Variants in GPRC6A observed in about 807,000 individuals in gnomAD.
The protein encoded by GPRC6A is G protein-coupled receptor class C group 6 member A, also known as G protein-coupled receptor family C group 6 member A.
GPRC6A carries 54 observed loss-of-function variants against 47.0 expected under a neutral mutation model. The ratio of observed to expected loss-of-function variants is 1.15; its 90% CI spans 0.92 to 1.44. The LOEUF is 1.44. Ranked by LOEUF, GPRC6A falls within the 40% of genes most tolerant of loss-of-function variation. The pLI is 0.00. For synonymous variants in GPRC6A, 347 were observed against 377.1 expected (o/e 0.92, Z 0.93); for missense variants, 1,112 against 1,105.5 (o/e 1.01, Z -0.08).
chr6:116,818,663 A>AT (rs1290668138), intron 1 of GPRC6A, among the ~76,000 whole-genome samples: 4 of 149,408 alleles, frequency 2.7e-5, no homozygotes, highest in African/African-American at 7.3e-5. Flanking sequence ...ATGCTGAGAG[A>AT]TTTTGTCACC....
chr6:116,794,967 G>A (rs951523460), intron 5 of GPRC6A, among the ~76,000 whole-genome samples: 1 of 152,132 alleles, frequency 6.6e-6, no homozygotes, highest in Non-Finnish European at 1.5e-5. Context: ...TTCCAGTTCC[G>A]GAGTTCTCAG....
chr6:116,807,780 G>GAA (rs1772902517), intron 2 of GPRC6A, among the ~76,000 whole-genome samples: 1 of 152,022 alleles, frequency 6.6e-6, no homozygotes, highest in South Asian at 2.1e-4. Context: ...TTTTTAGCCT[G>GAA]AAAGCTCAAG....
chr6:116,816,951 G>T (rs1444611624), intron 1 of GPRC6A, among the ~76,000 whole-genome samples: 1 of 152,252 alleles, frequency 6.6e-6, no homozygotes, highest in African/African-American at 2.4e-5. Context: ...GTGGCAGCGA[G>T]GCTGGGGGAG....
intron 1 of GPRC6A, among the ~76,000 whole-genome samples, chr6:116,820,004 C>A (rs925480823): frequency 6.0e-5 from 9 of 150,382 alleles, no homozygotes; most frequent in Non-Finnish European, 1.3e-4. Flanking sequence ...CAAATAGATG[C>A]AATAAAAAAT....
In GPRC6A at chr6:116,806,462, T is replaced by A; in HGVS notation, c.1243A>T (p.Ile415Phe). ...CCAAGGGCAAACACTGCAAGCTGAATACTATGAATGAGTCCTGGCTCAGCA... is the reference window on the plus strand; with the variant it reads ...CCAAGGGCAAACACTGCAAGCTGAAAACTATGAATGAGTCCTGGCTCAGCA... ...DYAEPGLIHS[I>F]QLAVFALGYA... The change falls in exon 3 of 6, where the codon ATT becomes TTT. Residue 415 changes from isoleucine to phenylalanine, a missense_variant. Physicochemically the swap from Ile to Phe is conservative, Grantham distance 21. Transcript: ENST00000310357. The A allele has an allele frequency of 1.9e-6, 3 of 1,613,528 alleles. No individual in the cohort carries two copies. The highest frequency in any genetic ancestry group is 2.5e-6 in the Non-Finnish European group (3 of 1,179,694).
chr6:116,823,239 C>A lies in GPRC6A; in HGVS notation c.194+5581G>T, dbSNP rs182988895. 2.0e-3 allele frequency among the ~76,000 whole-genome samples: 312 copies of A among 152,240 alleles called. 1 individual carries two copies. The highest frequency in any genetic ancestry group is 7.1e-3 in the African/African-American group (297 of 41,560). On this transcript the variant is annotated intron_variant, in intron 1 of 5. Transcript: ENST00000310357. ...CACATATGAGCTAGGCTATTAAAAG[C>A]AGCCAGGCAAATTCTTGACTGCTTT...
chr6:116,824,411 C>T (rs917532721), intron 1 of GPRC6A, among the ~76,000 whole-genome samples: 4 of 151,716 alleles, frequency 2.6e-5, no homozygotes, highest in African/African-American at 9.7e-5. Context: ...AAAAAGGAGA[C>T]ATTACAACTG....
chr6:116,809,447 C>A lies in GPRC6A; in HGVS notation c.365G>T (p.Cys122Phe). 1.2e-6 allele frequency: 2 copies of A among 1,613,728 alleles called. No homozygotes were observed. Among genetic ancestry groups the A allele is most frequent in the South Asian group, 1.1e-5 (1 of 91,066 alleles). ...CTTAAACTCCACAGTTTCTCTGGAG[C>A]AGTTGAATTTAGAAAGAAACCTCAG... ...ATLRFLSKFNCSRETVEFKCD... is the reference protein window; with the variant it reads ...ATLRFLSKFNFSRETVEFKCD... The change falls in exon 2 of 6, where the codon TGC (cysteine) becomes TTC (phenylalanine). Residue 122 changes from cysteine (C) to phenylalanine (F), a missense_variant. Transcript: ENST00000310357.
chr6:116,813,543 C>CA (rs1773099275), intron 1 of GPRC6A, among the ~76,000 whole-genome samples: 1 of 152,130 alleles, frequency 6.6e-6, no homozygotes, highest in African/African-American at 2.4e-5. Context: ...GCTGGGAAAG[C>CA]TGGCTAGCCA....
Position 116,828,871 on chromosome 6 carries a change from A to AT in GPRC6A, c.142dup (p.Met48AsnfsTer20), listed in dbSNP as rs1773754801. On this transcript the variant is annotated frameshift_variant, in exon 1 of 6. Transcript: ENST00000310357. LOFTEE classifies it high-confidence loss of function. ...TCTGGGAGAGTCTTCTGAGGACAAC[A>AT]TTTTTTCATGAATAGCAAACAAACC... is the stretch of plus-strand genomic sequence containing the variant. The AT allele has an allele frequency of 6.2e-7, 1 of 1,613,124 alleles. No individual in the cohort carries two copies. The highest frequency in any genetic ancestry group is 1.3e-5 in the African/African-American group (1 of 74,842).
chr6:116,807,224 A>G lies in GPRC6A; in HGVS notation c.499-18T>C, dbSNP rs1298205241. 1 of 1,496,838 alleles carries G rather than the reference A, an allele frequency of 6.7e-7. No individual in the cohort carries two copies. The highest frequency in any genetic ancestry group is 9.2e-7 in the Non-Finnish European group (1 of 1,081,316). The allele number at this position is 1,496,838 out of a possible 1,614,324, so 92.7% of individuals were successfully genotyped here. A position where few individuals can be genotyped will look rare whatever the true frequency, so the allele number is the denominator to read the frequency against. On this transcript the variant is annotated intron_variant, in intron 2 of 5. Coordinates refer to ENST00000310357, the MANE Select transcript of GPRC6A (RefSeq NM_148963.4). ...TAACCCACCTGGAAATAGACAGAAT[A>G]TTTTAGTTATGGTGTTGATGAACTC...
At chr6:116,813,300 G>A (rs1175056717) in intron 1 of GPRC6A, among the ~76,000 whole-genome samples, 3 of 152,142 alleles carry the variant, frequency 2.0e-5, no homozygotes, top group African/African-American at 7.2e-5. Context: ...ACATTGCCAA[G>A]ATAATCCTAA....
chr6:116,827,106 A>G (rs1193815489), intron 1 of GPRC6A, among the ~76,000 whole-genome samples: 2 of 151,848 alleles, frequency 1.3e-5, no homozygotes, highest in Non-Finnish European at 2.9e-5. Flanking sequence ...ATAAACATAT[A>G]GTTAGATAAA....
chr6:116,800,448 C>A (rs540132982), intron 4 of GPRC6A, 136 bp downstream of exon 4: 30 of 440,382 alleles, frequency 6.8e-5, no homozygotes, highest in African/African-American at 6.2e-4. Context: ...ATAGGAGCTA[C>A]ACTGATTAGG....
intron 1 of GPRC6A, among the ~76,000 whole-genome samples, chr6:116,826,314 T>A (rs1773674585): frequency 6.6e-6 from 1 of 151,828 alleles, no homozygotes; most frequent in Non-Finnish European, 1.5e-5. Flanking sequence ...ATATCCAGAA[T>A]ATGCATGAAA....
chr6:116,792,916 G>T lies in GPRC6A; in HGVS notation c.2007C>A (p.Ser669Arg), dbSNP rs1255219032. The change falls in exon 6 of 6, where the codon AGC (serine) becomes AGA (arginine). Residue 669 changes from serine to arginine, a missense_variant. Coordinates refer to ENST00000310357, the MANE Select transcript of GPRC6A (RefSeq NM_148963.4). ...AAATGCAGGAGATGCAAAGAGTAAA[G>T]CTCACTCCAAACATTGTCTGCCTGG... ...CKTRQTMFGV[S>R]FTLCISCILT... The T allele has an allele frequency of 6.2e-7, 1 of 1,614,056 alleles. No homozygotes were observed. The highest frequency in any genetic ancestry group is 1.3e-5 in the African/African-American group (1 of 75,046).
At position 116,828,821 on chromosome 6, in the gene GPRC6A, C is replaced by A. The variant is rs566655523; in HGVS notation, c.193G>T (p.Gly65Cys). 3.2e-4 allele frequency: 512 copies of A among 1,610,328 alleles called. 4 individuals carry two copies. The South Asian group carries it at 5.4e-3, about 17-fold the overall frequency. The change falls in exon 1 of 6, where the codon GGC becomes TGC. Residue 65 changes from glycine (G) to cysteine (C), a missense_variant and splice_region_variant. Physicochemically the swap from Gly to Cys is radical, Grantham distance 159. Coordinates refer to ENST00000310357, the MANE Select transcript of GPRC6A (RefSeq NM_148963.4). ...ACGTGTTTTTTGAGACTTACTCACCCAACACACTCCTGGATTTGTGGTCGT... is the reference window on the plus strand; with the variant it reads ...ACGTGTTTTTTGAGACTTACTCACCAAACACACTCCTGGATTTGTGGTCGT... ...PRRPQIQECV[G>C]FEISVFLQTL...
intron 1 of GPRC6A, 89 bp downstream of exon 1, chr6:116,828,731 G>T (rs551620050): frequency 5.7e-6 from 6 of 1,055,048 alleles, no homozygotes; most frequent in Admixed American, 5.1e-5. Flanking sequence ...TTTTTTAAAT[G>T]ATTTAGATAT....
intron 1 of GPRC6A, among the ~76,000 whole-genome samples, chr6:116,817,354 C>G (rs1773259184): frequency 6.6e-6 from 1 of 151,520 alleles, no homozygotes; most frequent in South Asian, 2.1e-4. Flanking sequence ...AACTAACAAA[C>G]AGAAAGGACA....
Sources: allele counts gnomAD v4.1 joint callset (sites outside exome capture counted in the v4.1 genomes callset), GRCh38; gene constraint gnomAD v4.1.1; transcripts MANE v1.5; gene names NCBI Gene and HGNC (gene_info 2026-07-23, HGNC 2026-07-21).